SYNPR: variants seen among roughly 807,000 people sequenced by gnomAD.
SYNPR encodes synaptoporin.
SYNPR carries 23 observed loss-of-function variants against 32.9 expected under a neutral mutation model. The ratio of observed to expected loss-of-function variants is 0.70; its 90% CI spans 0.50 to 0.99. The LOEUF (loss-of-function observed/expected upper bound fraction) is 0.99, where lower values mean the gene tolerates loss of function less well. SYNPR is among the 50% of genes least tolerant of loss of function. The pLI is 0.00. For synonymous variants in SYNPR, 146 were observed against 135.9 expected (o/e 1.07, Z -0.52); for missense variants, 318 against 349.3 (o/e 0.91, Z 0.71).
intron 2 of SYNPR, among the ~76,000 whole-genome samples, chr3:63,332,906 G>A (rs2087245375): frequency 6.6e-6 from 1 of 152,062 alleles, no homozygotes; most frequent in Admixed American, 6.5e-5. Flanking sequence ...CCCTGAGTTT[G>A]TGGGATGGCA....
the SYNPR span, among the ~76,000 whole-genome samples, chr3:63,221,097 T>C: frequency 2.6e-5 from 4 of 152,148 alleles, no homozygotes; most frequent in East Asian, 1.9e-4. Context: ...AATGAAGAAT[T>C]TGGATATGAA....
chr3:63,583,322 T>C (rs887411411), intron 4 of SYNPR, among the ~76,000 whole-genome samples: 2 of 152,100 alleles, frequency 1.3e-5, no homozygotes, highest in African/African-American at 4.8e-5. Context: ...CATGTGGACA[T>C]ATATGTGCAG....
intron 2 of SYNPR, among the ~76,000 whole-genome samples, chr3:63,388,238 G>A (rs1359516004): frequency 1.3e-5 from 2 of 152,064 alleles, no homozygotes; most frequent in Non-Finnish European, 2.9e-5. Context: ...CAAGCAGTGT[G>A]ACCAGAAGCT....
At chr3:63,273,197 T>C (rs1404716029) in intron 3 of SYNPR, among the ~76,000 whole-genome samples, 1 of 152,216 alleles carries the variant, frequency 6.6e-6, no homozygotes, top group Admixed American at 6.5e-5. Context: ...AAAAATATTT[T>C]TGCCTAAAGC....
intron 2 of SYNPR, among the ~76,000 whole-genome samples, chr3:63,450,364 AACTT>A (rs1389619516): frequency 6.6e-6 from 1 of 152,170 alleles, no homozygotes; most frequent in East Asian, 1.9e-4. Flanking sequence ...ACACCATTAA[AACTT>A]AATTTATTTA....
intron 1 of SYNPR, among the ~76,000 whole-genome samples, chr3:63,252,223 CTG>C (rs1418358259): frequency 1.3e-5 from 2 of 152,134 alleles, no homozygotes; most frequent in Non-Finnish European, 2.9e-5. Context: ...ACACAGTCAA[CTG>C]TGAATTTCTC....
chr3:63,241,974 C>T (rs1480189061), intron 1 of SYNPR, among the ~76,000 whole-genome samples: 4 of 152,018 alleles, frequency 2.6e-5, no homozygotes, highest in Non-Finnish European at 5.9e-5. Context: ...CACCCCCTTT[C>T]ACATGTTTCA....
At chr3:63,389,618 A>G (rs2088105681) in intron 2 of SYNPR, among the ~76,000 whole-genome samples, 1 of 152,130 alleles carries the variant, frequency 6.6e-6, no homozygotes, top group Admixed American at 6.5e-5. Context: ...CCTGAAGCTG[A>G]GACACCCCAT....
intron 2 of SYNPR, among the ~76,000 whole-genome samples, chr3:63,416,993 T>C (rs2088550943): frequency 6.6e-6 from 1 of 152,178 alleles, no homozygotes; most frequent in Non-Finnish European, 1.5e-5. Context: ...AAACCAGTCA[T>C]GCCTTCCCAA....
In SYNPR at chr3:63,430,363, C is replaced by T. The variant is rs370355618; in HGVS notation, c.85-50469C>T. Among the ~76,000 whole-genome samples, 210 of 54,500 alleles carry T rather than the reference C, an allele frequency of 3.9e-3. 1 individual carries two copies. Among genetic ancestry groups the T allele is most frequent in the African/African-American group, 0.011 (187 of 17,422 alleles). The allele number at this position is 54,500 out of a possible 152,430, so 35.8% of individuals were successfully genotyped here. A position where few individuals can be genotyped will look rare whatever the true frequency, so the allele number is the denominator to read the frequency against. On this transcript the variant is annotated intron_variant, in intron 2 of 5. Coordinates refer to ENST00000478300, the MANE Select transcript of SYNPR (RefSeq NM_001130003.2). Reference sequence around the variant, plus strand: ...TTCATTCACTCCTACACTGAGAATACACACACACACACACACACACACACA... The same window carrying T: ...TTCATTCACTCCTACACTGAGAATATACACACACACACACACACACACACA...
At chr3:63,392,672 C>T (rs759022061) in intron 2 of SYNPR, among the ~76,000 whole-genome samples, 43 of 152,248 alleles carry the variant, frequency 2.8e-4, no homozygotes, top group Non-Finnish European at 4.4e-4. Flanking sequence ...ATATCCAGCC[C>T]AAAGGGAAAC....
At chr3:63,487,664 C>T (rs4257544) in intron 3 of SYNPR, among the ~76,000 whole-genome samples, 25,468 of 152,100 alleles carry the variant, frequency 0.17, 2,497 homozygotes, top group East Asian at 0.26. Flanking sequence ...GATTAACGTG[C>T]TTTTAACTAT....
upstream of SYNPR, among the ~76,000 whole-genome samples, chr3:63,277,966 A>T (rs927845949): frequency 2.0e-5 from 3 of 152,104 alleles, no homozygotes; most frequent in Non-Finnish European, 2.9e-5. Flanking sequence ...TTATGTATTT[A>T]TCATTATTAT....
intron 2 of SYNPR, among the ~76,000 whole-genome samples, chr3:63,315,713 C>T (rs1404555998): frequency 1.3e-5 from 2 of 151,738 alleles, no homozygotes; most frequent in Non-Finnish European, 3.0e-5. Context: ...CTCTTTACAG[C>T]TTTGAATGCC....
intron 4 of SYNPR, among the ~76,000 whole-genome samples, chr3:63,606,926 G>A (rs1329806863): frequency 1.3e-5 from 2 of 152,112 alleles, no homozygotes; most frequent in Non-Finnish European, 2.9e-5. Context: ...GATTAAATGA[G>A]TCAAAACATA....
chr3:63,613,256 A>G (rs2106909678), intron 5 of SYNPR, among the ~76,000 whole-genome samples: 1 of 152,098 alleles, frequency 6.6e-6, no homozygotes, highest in Admixed American at 6.5e-5. Flanking sequence ...CAATTTAATC[A>G]AGATCCCCCT....
At chr3:63,281,414 G>A (rs964365480) in intron 2 of SYNPR, among the ~76,000 whole-genome samples, 1 of 152,154 alleles carries the variant, frequency 6.6e-6, no homozygotes, top group Non-Finnish European at 1.5e-5. Context: ...AGTTTTGGGG[G>A]TTGCTATAAC....
At chr3:63,289,716 A>T (rs2086720069) in intron 2 of SYNPR, among the ~76,000 whole-genome samples, 1 of 152,220 alleles carries the variant, frequency 6.6e-6, no homozygotes, top group Non-Finnish European at 1.5e-5. Flanking sequence ...AAACTATAGC[A>T]TAAGACGATC....
intron 3 of SYNPR, among the ~76,000 whole-genome samples, chr3:63,494,432 T>TATATATAC (rs1416146963): frequency 3.6e-5 from 4 of 110,630 alleles, no homozygotes; most frequent in Non-Finnish European, 5.2e-5. Flanking sequence ...TATATATATA[T>TATATATAC]ACGTATATAT....
Sources: allele counts gnomAD v4.1 joint callset (sites outside exome capture counted in the v4.1 genomes callset), GRCh38; gene constraint gnomAD v4.1.1; transcripts MANE v1.5; gene names NCBI Gene and HGNC (gene_info 2026-07-23, HGNC 2026-07-21).